Variants in PITPNC1 observed in about 807,000 individuals in gnomAD.
The protein encoded by PITPNC1 is cytoplasmic phosphatidylinositol transfer protein 1.
A neutral mutation model predicts 44.7 loss-of-function variants in PITPNC1; 18 were observed. That is an observed-to-expected ratio of 0.40 (90% CI 0.28 to 0.60). The LOEUF (loss-of-function observed/expected upper bound fraction) is 0.60, where lower values mean the gene tolerates loss of function less well. Ranked by LOEUF, PITPNC1 falls within the 20% of genes least tolerant of loss-of-function variation. The pLI, the probability that PITPNC1 is intolerant of heterozygous loss-of-function variation, is 0.39. For synonymous variants in PITPNC1, 141 were observed against 149.6 expected, an observed-to-expected ratio of 0.94 and a Z score of 0.42; for missense variants, 290 against 418.4, an observed-to-expected ratio of 0.69 and a Z score of 2.68.
intron 5 of PITPNC1, among the ~76,000 whole-genome samples, chr17:67,628,025 C>G (rs1229212973): frequency 6.6e-6 from 1 of 150,454 alleles, no homozygotes; most frequent in Non-Finnish European, 1.5e-5. Flanking sequence ...CTCCCGAGTT[C>G]AAGCGATTCT....
chr17:67,608,666 G>GTTT (rs373586575), intron 5 of PITPNC1, among the ~76,000 whole-genome samples: 7 of 128,030 alleles, frequency 5.5e-5, no homozygotes, highest in East Asian at 2.3e-4. Flanking sequence ...AGTTTTTCTA[G>GTTT]TTTTTTTTTT....
intron 4 of PITPNC1, among the ~76,000 whole-genome samples, chr17:67,561,342 G>C (rs2040904069): frequency 6.6e-6 from 1 of 151,994 alleles, no homozygotes; most frequent in African/African-American, 2.4e-5. Flanking sequence ...TGTAATCCCA[G>C]CTACTCAGGA....
intron 4 of PITPNC1, among the ~76,000 whole-genome samples, chr17:67,561,455 CAAA>C (rs554951008): frequency 7.4e-6 from 1 of 134,450 alleles, no homozygotes. Context: ...GACTCTGTCT[CAAA>C]AAAAAAAAAA....
At chr17:67,436,925 T>G (rs951255367) in intron 1 of PITPNC1, among the ~76,000 whole-genome samples, 23 of 137,016 alleles carry the variant, frequency 1.7e-4, no homozygotes, top group African/African-American at 3.9e-4. Context: ...TTTTTTTTTT[T>G]TTTTTTTTTT....
chr17:67,446,224 C>T (rs543831983), intron 1 of PITPNC1, among the ~76,000 whole-genome samples: 4 of 152,064 alleles, frequency 2.6e-5, no homozygotes, highest in Non-Finnish European at 2.9e-5. Flanking sequence ...GGATTACAGG[C>T]GTGAGCCACC....
chr17:67,397,125 C>T (rs1344081067), intron 1 of PITPNC1, among the ~76,000 whole-genome samples: 5 of 152,076 alleles, frequency 3.3e-5, no homozygotes, highest in Non-Finnish European at 5.9e-5. Flanking sequence ...GGATTACAGG[C>T]GCCTGCCACC....
intron 6 of PITPNC1, chr17:67,638,092 T>A (rs2042053765): frequency 6.6e-6 from 1 of 152,252 alleles, no homozygotes; most frequent in African/African-American, 2.4e-5. Context: ...GTCTTGCCGC[T>A]GCCAAGATTT....
At chr17:67,540,196 C>T (rs938316435) in intron 2 of PITPNC1, among the ~76,000 whole-genome samples, 2 of 151,990 alleles carry the variant, frequency 1.3e-5, no homozygotes, top group African/African-American at 4.8e-5. Flanking sequence ...CTCTGCCTTC[C>T]GGGCTCAAGA....
Position 67,522,625 on chromosome 17 carries a change from C to CAAAT in PITPNC1, c.49-10175_49-10172dup, listed in dbSNP as rs572071285. Among the ~76,000 whole-genome samples, 1,086 of 143,838 alleles carry CAAAT rather than the reference C, an allele frequency of 7.6e-3. 6 individuals are homozygous for CAAAT. Among genetic ancestry groups the CAAAT allele is most frequent in the Non-Finnish European group, 0.01 (682 of 67,392 alleles). 94.4% of individuals were successfully genotyped at this position (143,838 alleles called of 152,430 possible). A position where few individuals can be genotyped will look rare whatever the true frequency, so the allele number is the denominator to read the frequency against. On this transcript the variant is annotated intron_variant, in intron 1 of 8. Transcript: ENST00000581322. ...AGTTCTGAGCCTTTTTAATTGTGAT[C>CAAAT]AAATATACATATCATAAAATTTACC...
intron 6 of PITPNC1, among the ~76,000 whole-genome samples, chr17:67,660,511 T>TA (rs2042327906): frequency 6.9e-6 from 1 of 144,020 alleles, no homozygotes; most frequent in African/African-American, 2.8e-5. Context: ...TATTTTATTT[T>TA]ATTTTATTTT....
chr17:67,676,502 G>A lies in PITPNC1; in HGVS notation c.682+960G>A, dbSNP rs144484978. ...CAGAATCAGTCATCAGATGGCTACC[G>A]TCCTTGGCTATAAATAGAAAGGAAC... On this transcript the variant is annotated intron_variant, in intron 8 of 8. Transcript: ENST00000581322. The surrounding 1 kb of genome is among the most constrained non-coding windows in gnomAD (Gnocchi z 4.0). Among the ~76,000 whole-genome samples the A allele has an allele frequency of 6.1e-3, 921 of 152,212 alleles. 10 individuals carry two copies. Among genetic ancestry groups the A allele is most frequent in the African/African-American group, 0.02 (822 of 41,510 alleles).
chr17:67,392,496 G>A (rs1826408657), intron 1 of PITPNC1, among the ~76,000 whole-genome samples: 1 of 152,086 alleles, frequency 6.6e-6, no homozygotes, highest in African/African-American at 2.4e-5. Context: ...TACCAGCCTT[G>A]GCCTCCCAAA....
intron 1 of PITPNC1, among the ~76,000 whole-genome samples, chr17:67,488,044 G>A (rs1040965276): frequency 1.3e-5 from 2 of 152,204 alleles, no homozygotes; most frequent in African/African-American, 4.8e-5. Context: ...CAAAAGAGCT[G>A]TTGCTGGCGG....
At chr17:67,537,951 G>A (rs922253319) in intron 2 of PITPNC1, among the ~76,000 whole-genome samples, 1 of 150,274 alleles carries the variant, frequency 6.7e-6, no homozygotes, top group East Asian at 2.0e-4. Context: ...CAGCCTGGGC[G>A]ACTGAGCGAG....
intron 1 of PITPNC1, among the ~76,000 whole-genome samples, chr17:67,474,821 C>A (rs2916121): frequency 0.71 from 105,713 of 149,510 alleles, 38,836 homozygotes; most frequent in East Asian, 0.92. Flanking sequence ...TGCCCGGCGG[C>A]TTTTTTTTTT....
intron 1 of PITPNC1, among the ~76,000 whole-genome samples, chr17:67,410,483 G>T (rs987517924): frequency 6.6e-6 from 1 of 152,024 alleles, no homozygotes; most frequent in Non-Finnish European, 1.5e-5. Flanking sequence ...TCCCAATCCC[G>T]AGTGATCCTC....
chr17:67,516,351 A>G lies in PITPNC1; in HGVS notation c.49-16451A>G, dbSNP rs1306545862. Among the ~76,000 whole-genome samples the G allele has an allele frequency of 4.6e-5, 7 of 152,176 alleles. No homozygotes were observed. In the East Asian group the frequency reaches 1.3e-3, roughly 29 times the overall value. On this transcript the variant is annotated intron_variant, in intron 1 of 8. Transcript: ENST00000581322. Reference sequence around the variant, plus strand: ...CTCTACTACTTACTACCTGGGTGACATTGGGCAAGTGACTTAACCTCTGTG... The same window carrying G: ...CTCTACTACTTACTACCTGGGTGACGTTGGGCAAGTGACTTAACCTCTGTG...
At chr17:67,579,614 A>ATTT (rs558310588) in intron 5 of PITPNC1, among the ~76,000 whole-genome samples, 5 of 88,786 alleles carry the variant, frequency 5.6e-5, no homozygotes, top group African/African-American at 9.5e-5. Flanking sequence ...TAAAATAGTG[A>ATTT]TTTTTTTTTT....
At chr17:67,476,336 A>T (rs540152815) in intron 1 of PITPNC1, among the ~76,000 whole-genome samples, 196 of 151,888 alleles carry the variant, frequency 1.3e-3, no homozygotes, top group Non-Finnish European at 2.0e-3. Context: ...ACAGGCATGC[A>T]CCACCATGCC....
Sources: gnomAD v4.1 joint callset for allele counts (sites outside exome capture counted in the v4.1 genomes callset) on GRCh38, gnomAD v4.1.1 for gene constraint, Gnocchi (gnomAD v3.1) non-coding constraint, MANE v1.5 for transcripts, NCBI Gene and HGNC (gene_info 2026-07-23, HGNC 2026-07-21) for gene names.